The following VCAN variants were observed in gnomAD, a reference collection of about 807,000 sequenced individuals.
VCAN encodes versican, also known as versican core protein.
A neutral mutation model predicts 245.5 loss-of-function variants in VCAN; 44 were observed. That is an observed-to-expected ratio of 0.18 (90% CI 0.14 to 0.23). VCAN has a LOEUF of 0.23. Among genes scored for constraint, VCAN ranks in the 10% least tolerant of loss-of-function variants. The pLI, the probability that VCAN is intolerant of heterozygous loss-of-function variation, is 1.00. For synonymous variants in VCAN, 1,413 were observed against 1,437.0 expected (o/e 0.98, Z 0.38); for missense variants, 3,793 against 4,057.9 (o/e 0.93, Z 1.77).
chr5:83,528,619 T>C (rs1389497027), intron 7 of VCAN, among the ~76,000 whole-genome samples: 1 of 152,156 alleles, frequency 6.6e-6, no homozygotes, highest in Non-Finnish European at 1.5e-5. Flanking sequence ...GCATGTTCTG[T>C]GGGTTAAGTA....
Position 83,541,666 on chromosome 5 carries a change from A to G in VCAN, c.8663A>G (p.Glu2888Gly), listed in dbSNP as rs1029661575. ...AGTGAGGAATACCTTCACATAACTG[A>G]GCCTCCCTCTTTATCTCCTGACACA... ...PSSEEYLHITEPPSLSPDTKL... is the reference protein window; with the variant it reads ...PSSEEYLHITGPPSLSPDTKL... The change falls in exon 8 of 15, where the codon GAG becomes GGG. Residue 2888 changes from glutamate (E) to glycine (G), a missense_variant. By Grantham distance (98) the Glu-to-Gly change is moderately conservative (BLOSUM62 -2). Transcript: ENST00000265077. 5 of 1,613,776 alleles carry G rather than the reference A, an allele frequency of 3.1e-6. No individual in the cohort carries two copies. The African/African-American group carries it at 6.7e-5, about 22-fold the overall frequency.
At position 83,580,040 on chromosome 5, in the gene VCAN, G is replaced by A. The variant is rs763390705; in HGVS notation, c.9941G>A (p.Arg3314His). 3.1e-6 allele frequency: 5 copies of A among 1,613,938 alleles called. No homozygotes were observed. The highest frequency in any genetic ancestry group is 2.7e-5 in the African/African-American group (2 of 74,894). The change falls in exon 14 of 15, where the codon CGT becomes CAT. Residue 3314 changes from arginine to histidine, a missense_variant. By Grantham distance (29) the Arg-to-His change is conservative. This residue lies in a region of VCAN where 205 missense variants were observed against 321.1 expected (regional missense o/e 0.64). Transcript: ENST00000265077. ...NAKTFGKMKP[R>H]YEINSLIRYH... ...AAGACCTTTGGAAAGATGAAACCTC[G>A]TTATGAAATCAACTCCCTGATTAGA...
Position 83,541,725 on chromosome 5 carries a change from G to C in VCAN, c.8722G>C (p.Glu2908Gln), listed in dbSNP as rs1158502182. ...ACCTTCAGAAGATGATGGTAAACCT[G>C]AGTTATTAGAAGAAATGGAAGCTTC... ...LEPSEDDGKP[E>Q]LLEEMEASPT... The change falls in exon 8 of 15, where the codon GAG becomes CAG. Residue 2908 changes from glutamate to glutamine, a missense_variant. Physicochemically the swap from Glu to Gln is conservative, Grantham distance 29. Coordinates refer to ENST00000265077, the MANE Select transcript of VCAN (RefSeq NM_004385.5). 6.2e-7 allele frequency: 1 copy of C among 1,613,982 alleles called. No individual in the cohort carries two copies. Among genetic ancestry groups the C allele is most frequent in the Admixed American group, 1.7e-5 (1 of 60,018 alleles).
At chr5:83,559,680 C>T (rs1038083932) in intron 12 of VCAN, among the ~76,000 whole-genome samples, 1 of 152,130 alleles carries the variant, frequency 6.6e-6, no homozygotes, top group Non-Finnish European at 1.5e-5. Flanking sequence ...TGTCCTCCAC[C>T]CATCCTAACT....
chr5:83,580,393 G>T lies in VCAN; in HGVS notation c.10150G>T (p.Asp3384Tyr). 6.2e-7 allele frequency: 1 copy of T among 1,613,836 alleles called. No homozygotes were observed. The highest frequency in any genetic ancestry group is 1.1e-5 in the South Asian group (1 of 91,060). Residue 3384 changes from aspartate (D) to tyrosine (Y), a missense_variant, in exon 15 of 15, where the codon GAT (aspartate) becomes TAT (tyrosine). By Grantham distance (160) the Asp-to-Tyr change is radical. This residue lies in a region of VCAN where 37 missense variants were observed against 28.2 expected (regional missense o/e 1.31). Transcript: ENST00000265077. ...KDNSINTSKH[D>Y]HRWSRRWQES... ...CAATTCAATAAATACATCCAAACATGATCATCGTTGGAGCCGGAGGTGGCA... is the reference window on the plus strand; with the variant it reads ...CAATTCAATAAATACATCCAAACATTATCATCGTTGGAGCCGGAGGTGGCA...
intron 1 of VCAN, among the ~76,000 whole-genome samples, chr5:83,474,115 C>T (rs554562282): frequency 2.0e-5 from 3 of 152,234 alleles, no homozygotes; most frequent in African/African-American, 4.8e-5. Flanking sequence ...AACGCTAGGG[C>T]CCCGCCCCAG....
intron 7 of VCAN, among the ~76,000 whole-genome samples, chr5:83,525,051 T>G (rs928848562): frequency 6.6e-6 from 1 of 151,672 alleles, no homozygotes; most frequent in Non-Finnish European, 1.5e-5. Context: ...ATCTTGTTTT[T>G]TTTTTTTTTT....
At chr5:83,491,532 T>C (rs761970725) in intron 3 of VCAN, among the ~76,000 whole-genome samples, 2 of 152,214 alleles carry the variant, frequency 1.3e-5, no homozygotes, top group African/African-American at 2.4e-5. Flanking sequence ...CTAACCTTTT[T>C]ATCATTATTT....
chr5:83,496,090 A>G (rs1408818709), intron 5 of VCAN, among the ~76,000 whole-genome samples: 3 of 152,198 alleles, frequency 2.0e-5, no homozygotes, highest in Non-Finnish European at 4.4e-5. Context: ...GACAAGTCTT[A>G]GTGGTGGGAG....
rs1271231165 is a variant in VCAN at position 83,545,550 on chromosome 5, C to T, written c.9279C>T (p.Cys3093=). ...TAIYLPGPDR[C]KMNPCLNGGT... is the part of the protein sequence containing the mutation. ...TGAATATGGTAGGACCTGATCGCTGCAAAATGAACCCGTGCCTTAACGGAG... is the reference window on the plus strand; with the variant it reads ...TGAATATGGTAGGACCTGATCGCTGTAAAATGAACCCGTGCCTTAACGGAG... The change falls in exon 9 of 15, where the codon TGC becomes TGT. Residue 3093 remains cysteine, a synonymous_variant. Coordinates refer to ENST00000265077, the MANE Select transcript of VCAN (RefSeq NM_004385.5). 1 of 1,614,054 alleles carries T rather than the reference C, an allele frequency of 6.2e-7. No homozygotes were observed. The highest frequency in any genetic ancestry group is 1.7e-5 in the Admixed American group (1 of 60,018).
chr5:83,533,774 T>C (rs1049753689), intron 7 of VCAN, among the ~76,000 whole-genome samples: 6 of 152,148 alleles, frequency 3.9e-5, no homozygotes, highest in Admixed American at 1.3e-4. Flanking sequence ...TCTGATATGA[T>C]AGTCTAAAAT....
chr5:83,522,895 C>T, intron 7 of VCAN, among the ~76,000 whole-genome samples: 1 of 152,036 alleles, frequency 6.6e-6, no homozygotes, highest in East Asian at 1.9e-4. Context: ...GGGTATTTTA[C>T]TGTGGTTTTA....
chr5:83,539,660 A>T lies in VCAN; in HGVS notation c.6657A>T (p.Glu2219Asp). 1 of 1,613,906 alleles carries T rather than the reference A, an allele frequency of 6.2e-7. No individual in the cohort carries two copies. The highest frequency in any genetic ancestry group is 8.5e-7 in the Non-Finnish European group (1 of 1,179,978). The change falls in exon 8 of 15, where the codon GAA becomes GAT. Residue 2219 changes from glutamate to aspartate, a missense_variant. Around this residue, in one of 5 missense-constraint regions of VCAN, gnomAD observed 3,182 missense variants for 3,250.3 expected, o/e 0.98. Coordinates refer to ENST00000265077, the MANE Select transcript of VCAN (RefSeq NM_004385.5). ...TAGTAACTGAATCTATACCAGCTGA[A>T]CATGTAGTCACAGATTCACCAATCA... ...TALVTESIPAEHVVTDSPIKK... is the reference protein window; with the variant it reads ...TALVTESIPADHVVTDSPIKK...
At chr5:83,534,163 A>G (rs1310716702) in intron 7 of VCAN, 1 of 139,654 alleles carries the variant, frequency 7.2e-6, no homozygotes, top group African/African-American at 2.8e-5. Context: ...CATACTTGAC[A>G]GAACTTCCAT....
At position 83,539,153 on chromosome 5, in the gene VCAN, T is replaced by G; in HGVS notation, c.6150T>G (p.Thr2050=). The change falls in exon 8 of 15, where the codon ACT becomes ACG. Residue 2050 remains threonine, a synonymous_variant. Coordinates refer to ENST00000265077, the MANE Select transcript of VCAN (RefSeq NM_004385.5). ...ACGAAGGATTGGGAGAAGTGGGTACTGTCAATGAAATTGATAGAAGATCCA... is the reference window on the plus strand; with the variant it reads ...ACGAAGGATTGGGAGAAGTGGGTACGGTCAATGAAATTGATAGAAGATCCA... ...IIDEGLGEVG[T]VNEIDRRSTI... is the part of the protein sequence containing the mutation. The G allele has an allele frequency of 6.2e-7, 1 of 1,613,994 alleles. No homozygotes were observed. Among genetic ancestry groups the G allele is most frequent in the Non-Finnish European group, 8.5e-7 (1 of 1,179,974 alleles).
chr5:83,502,232 T>C lies in VCAN; in HGVS notation c.748+8301T>C, dbSNP rs188009935. Among the ~76,000 whole-genome samples the C allele has an allele frequency of 2.4e-3, 368 of 152,328 alleles. 2 individuals carry two copies. Among genetic ancestry groups the C allele is most frequent in the African/African-American group, 8.4e-3 (349 of 41,570 alleles). ...TACACTCTCTTTCATTTTATAATCT[T>C]ACTTTACATAAGTAGAACTGTCTTG... is the stretch of plus-strand genomic sequence containing the variant. On this transcript the variant is annotated intron_variant, in intron 5 of 14. Transcript: ENST00000265077.
chr5:83,521,164 C>T lies in VCAN; in HGVS notation c.2858C>T (p.Ala953Val), dbSNP rs1746078063. 6.2e-7 allele frequency: 1 copy of T among 1,613,492 alleles called. No individual in the cohort carries two copies. The highest frequency in any genetic ancestry group is 1.3e-5 in the African/African-American group (1 of 74,912). The change falls in exon 7 of 15, where the codon GCA becomes GTA. Residue 953 changes from alanine to valine, a missense_variant. By Grantham distance (64) the Ala-to-Val change is moderately conservative (BLOSUM62 0). Around this residue, in one of 5 missense-constraint regions of VCAN, gnomAD observed 3,182 missense variants for 3,250.3 expected, o/e 0.98. Coordinates refer to ENST00000265077, the MANE Select transcript of VCAN (RefSeq NM_004385.5). ...CACACTTCAGAGGTGGAAGGATTAG[C>T]ATTTGTTAGTTATAGTAGCACCCAA... ...FAHTSEVEGL[A>V]FVSYSSTQEP...
At position 83,539,055 on chromosome 5, in the gene VCAN, G is replaced by A; in HGVS notation, c.6052G>A (p.Val2018Ile). 6.2e-7 allele frequency: 1 copy of A among 1,613,990 alleles called. No individual in the cohort carries two copies. The highest frequency in any genetic ancestry group is 8.5e-7 in the Non-Finnish European group (1 of 1,179,956). Residue 2018 changes from valine (V) to isoleucine (I), a missense_variant, in exon 8 of 15, where the codon GTC becomes ATC. This residue lies in a region of VCAN where 3,182 missense variants were observed against 3,250.3 expected (regional missense o/e 0.98). Transcript: ENST00000265077. ...GGGCTCAGGTGAGCAACTGGTCACA[G>A]TCAGCAGCTCTGTTGTTCCAGTGCT... The part of the protein sequence containing the change: ...AEGSGEQLVT[V>I]SSSVVPVLPS...
At chr5:83,547,509 A>G (rs1284396161) in intron 9 of VCAN, among the ~76,000 whole-genome samples, 1 of 152,124 alleles carries the variant, frequency 6.6e-6, no homozygotes, top group Non-Finnish European at 1.5e-5. Context: ...AGAGTGATGG[A>G]TATATTGGAG....
Sources: gnomAD v4.1 joint callset for allele counts (sites outside exome capture counted in the v4.1 genomes callset) on GRCh38, gnomAD v4.1.1 for gene constraint, gnomAD v4.1.1 regional missense constraint, MANE v1.5 for transcripts, NCBI Gene and HGNC (gene_info 2026-07-23, HGNC 2026-07-21) for gene names.